CDKL5: variants seen among roughly 807,000 people sequenced by gnomAD.
CDKL5 encodes the protein cyclin dependent kinase like 5, also known as cyclin-dependent kinase-like 5.
In CDKL5, 8 loss-of-function variants were observed where a neutral mutation model predicts 61.7. That is an observed-to-expected ratio of 0.13 (90% CI 0.08 to 0.23). The LOEUF (loss-of-function observed/expected upper bound fraction) is 0.23, where lower values mean the gene tolerates loss of function less well. Among genes scored for constraint, CDKL5 ranks in the 10% least tolerant of loss-of-function variants. The pLI is 1.00. For synonymous variants in CDKL5, 275 were observed against 272.3 expected (o/e 1.01, Z -0.10); for missense variants, 440 against 734.5 (o/e 0.60, Z 4.63).
At chrX:18,496,460 C>T (rs1056417386) in intron 1 of CDKL5, among the ~76,000 whole-genome samples, 16 of 111,457 alleles carry the variant, frequency 1.4e-4, no homozygotes, top group African/African-American at 3.9e-4. Flanking sequence ...TAGGTAGCAG[C>T]TTTCAGGGAG....
chrX:18,517,632 C>T (rs1923069307), intron 3 of CDKL5, among the ~76,000 whole-genome samples: 1 of 111,196 alleles, frequency 9.0e-6, no homozygotes, highest in South Asian at 3.8e-4. Flanking sequence ...TCATTTTTCC[C>T]CCCACAGGCC....
At chrX:18,606,132 G>A in intron 12 of CDKL5, among the ~76,000 whole-genome samples, 1 of 110,546 alleles carries the variant, frequency 9.0e-6, no homozygotes, top group East Asian at 2.8e-4. Context: ...AGTGAGCCGA[G>A]ATCGTGCCAC....
intron 4 of CDKL5, among the ~76,000 whole-genome samples, chrX:18,566,934 C>A (rs758525797): frequency 9.0e-6 from 1 of 111,507 alleles, no homozygotes; most frequent in Non-Finnish European, 1.9e-5. Context: ...ACCCACCCCA[C>A]CTTGTCAATG....
intron 14 of CDKL5, among the ~76,000 whole-genome samples, chrX:18,612,838 GT>G (rs1926599192): frequency 9.0e-6 from 1 of 110,740 alleles, no homozygotes; most frequent in African/African-American, 3.3e-5. Context: ...AAACACAAAA[GT>G]TATGTGAAGA....
chrX:18,440,054 G>C (rs1931703127), intron 1 of CDKL5, among the ~76,000 whole-genome samples: 1 of 110,927 alleles, frequency 9.0e-6, no homozygotes, highest in Non-Finnish European at 1.9e-5. Flanking sequence ...GATGGTGGTT[G>C]CTGAAGGTTG....
intron 3 of CDKL5, among the ~76,000 whole-genome samples, chrX:18,563,681 C>G (rs1314998568): frequency 6.3e-5 from 7 of 111,497 alleles, no homozygotes; most frequent in Non-Finnish European, 1.9e-5. Context: ...AAAGAACAGG[C>G]CTGAGTCATT....
chrX:18,625,084 C>T (rs1306926035), intron 16 of CDKL5, 44 bp from the exon 17 acceptor site: 1 of 1,183,777 alleles, frequency 8.4e-7, no homozygotes, highest in Middle Eastern at 2.3e-4. Flanking sequence ...CTTAATTAGG[C>T]TTCTCAGTGT....
In CDKL5 at chrX:18,506,646, G is replaced by A. The variant is rs554247436; in HGVS notation, c.-162-289G>A. Among the ~76,000 whole-genome samples, 389 of 111,916 alleles carry A rather than the reference G, an allele frequency of 3.5e-3. 2 individuals carry two copies. The Middle Eastern group carries it at 0.042, about 12-fold the overall frequency. ...ATAATTCTTTTTATTTTTAGCTTTA[G>A]GAGAGTAGATAGTGAAAATGCTGTT... is the stretch of plus-strand genomic sequence containing the variant. On this transcript the variant is annotated intron_variant, in intron 1 of 17. Coordinates refer to ENST00000623535, the MANE Select transcript of CDKL5 (RefSeq NM_001323289.2).
At chrX:18,516,564 T>C (rs1483907515) in intron 3 of CDKL5, among the ~76,000 whole-genome samples, 2 of 110,467 alleles carry the variant, frequency 1.8e-5, no homozygotes, top group Admixed American at 1.9e-4. Context: ...TTTTTTTTTT[T>C]CTAATAAGAT....
chrX:18,554,245 G>A (rs1361919606), intron 3 of CDKL5, among the ~76,000 whole-genome samples: 2 of 105,079 alleles, frequency 1.9e-5, no homozygotes, highest in African/African-American at 3.5e-5. Context: ...GCCCCGGTGT[G>A]TGATGTTCCC....
chrX:18,470,335 C>CA lies in CDKL5; in HGVS notation c.-162-36589dup, dbSNP rs1159973577. Among the ~76,000 whole-genome samples, 17 of 24,886 alleles carry CA rather than the reference C, an allele frequency of 6.8e-4. No individual in the cohort carries two copies. In the South Asian group the frequency reaches 0.031, roughly 45 times the overall value. 21.6% of individuals were successfully genotyped at this position (24,886 alleles called of 115,157 possible). A position where few individuals can be genotyped will look rare whatever the true frequency, so the allele number is the denominator to read the frequency against. ...TGGGTGGCTGAGTGAGACTCCGTCTCAAAAAAAAAAAGAAGAAAAGAAAAA... is the reference window on the plus strand; with the variant it reads ...TGGGTGGCTGAGTGAGACTCCGTCTCAAAAAAAAAAAAGAAGAAAAGAAAAA... On this transcript the variant is annotated intron_variant, in intron 1 of 17. Transcript: ENST00000623535.
At position 18,604,843 on chromosome X, in the gene CDKL5, A is replaced by G. The variant is rs1569219840; in HGVS notation, c.1919A>G (p.Asn640Ser). 8.3e-7 allele frequency: 1 copy of G among 1,211,577 alleles called. No individual in the cohort carries two copies. Among genetic ancestry groups the G allele is most frequent in the Non-Finnish European group, 1.1e-6 (1 of 895,426 alleles). Residue 640 changes from asparagine to serine, a missense_variant, in exon 12 of 18, where the codon AAC (asparagine) becomes AGC (serine). Physicochemically the swap from Asn to Ser is conservative, Grantham distance 46 (BLOSUM62 1). Around this residue, in one of 2 missense-constraint regions of CDKL5, gnomAD observed 363 missense variants for 516.3 expected, o/e 0.70. Transcript: ENST00000623535. Reference protein sequence around the residue: ...SIGQGMAARANSLQLLSPQPG... With the variant: ...SIGQGMAARASSLQLLSPQPG... ...GGGCAAGGGATGGCAGCTAGAGCCA[A>G]CAGCCTGCAACTCTTGTCACCCCAG...
chrX:18,470,335 CA>C (rs1159973577), intron 1 of CDKL5, among the ~76,000 whole-genome samples: 9 of 24,914 alleles, frequency 3.6e-4, no homozygotes, highest in Admixed American at 6.8e-4. Context: ...GACTCCGTCT[CA>C]AAAAAAAAAA....
intron 1 of CDKL5, among the ~76,000 whole-genome samples, chrX:18,451,431 A>C (rs1176651902): frequency 9.0e-6 from 1 of 111,678 alleles, no homozygotes; most frequent in Non-Finnish European, 1.9e-5. Context: ...ACCTCAGGTG[A>C]TTCACCCGCC....
chrX:18,457,978 T>C (rs1932187130), intron 1 of CDKL5, among the ~76,000 whole-genome samples: 1 of 89,240 alleles, frequency 1.1e-5, no homozygotes, highest in Non-Finnish European at 2.1e-5. Flanking sequence ...TGGAGTGCAA[T>C]GGTGCGATCT....
At chrX:18,536,137 G>T (rs1337061801) in intron 3 of CDKL5, 1 of 111,902 alleles carries the variant, frequency 8.9e-6, no homozygotes, top group Non-Finnish European at 1.9e-5. Flanking sequence ...GCAGCCTGAT[G>T]ACCTAGAGAT....
At chrX:18,644,420 C>T (rs1265219015), downstream of CDKL5, 5 of 1,209,569 alleles carry the variant, frequency 4.1e-6, no homozygotes, top group South Asian at 8.8e-5. Context: ...TTGGGATAAG[C>T]CCAACTTACC....
intron 1 of CDKL5, among the ~76,000 whole-genome samples, chrX:18,498,786 A>G (rs1295698170): frequency 9.0e-6 from 1 of 111,273 alleles, no homozygotes; most frequent in Non-Finnish European, 1.9e-5. Flanking sequence ...AATTTATTTT[A>G]TTTATTTATT....
downstream of CDKL5, among the ~76,000 whole-genome samples, chrX:18,643,367 C>T (rs954019544): frequency 3.6e-5 from 4 of 111,116 alleles, no homozygotes; most frequent in Admixed American, 1.9e-4. Flanking sequence ...GCAGTGGCAC[C>T]GCCCCACACC....
Sources: gnomAD v4.1 joint callset for allele counts (sites outside exome capture counted in the v4.1 genomes callset) on GRCh38, gnomAD v4.1.1 for gene constraint, gnomAD v4.1.1 regional missense constraint, MANE v1.5 for transcripts, NCBI Gene and HGNC (gene_info 2026-07-23, HGNC 2026-07-21) for gene names.